Variants in EEIG2 observed in about 807,000 individuals in gnomAD.
The protein encoded by EEIG2 is family with sequence similarity 102 member B.
the EEIG2 span, chr1:108,560,111 A>AGCGGCGGCGGAG: frequency 3.1e-4 from 53 of 173,598 alleles, no homozygotes; most frequent in African/African-American, 7.3e-4. Flanking sequence ...GACGGGCGGC[A>AGCGGCGGCGGAG]GCGGCGGCGG....
the EEIG2 span, chr1:108,635,309 C>T: frequency 1.5e-5 from 12 of 827,304 alleles, no homozygotes; most frequent in Admixed American, 2.5e-5. Context: ...CCATCCTGTA[C>T]CAGCCACCAA....
At chr1:108,566,436 CA>C in the EEIG2 span, among the ~76,000 whole-genome samples, 4 of 152,028 alleles carry the variant, frequency 2.6e-5, no homozygotes, top group Non-Finnish European at 5.9e-5. Flanking sequence ...TAATAAGCAG[CA>C]AATTATCAAA....
At chr1:108,584,171 G>A in the EEIG2 span, among the ~76,000 whole-genome samples, 2 of 151,986 alleles carry the variant, frequency 1.3e-5, no homozygotes, top group African/African-American at 4.8e-5. Flanking sequence ...AATGCAATTG[G>A]GTAAAAGAGA....
At chr1:108,592,880 A>G in the EEIG2 span, among the ~76,000 whole-genome samples, 1 of 152,168 alleles carries the variant, frequency 6.6e-6, no homozygotes, top group African/African-American at 2.4e-5. Context: ...TGACTTGGCC[A>G]GGCATGGTGG....
the EEIG2 span, chr1:108,639,304 T>TA: frequency 6.6e-6 from 1 of 151,790 alleles, no homozygotes; most frequent in Non-Finnish European, 1.5e-5. Context: ...ACATGTTCAA[T>TA]AAAAATCATA....
At chr1:108,601,024 A>G in the EEIG2 span, among the ~76,000 whole-genome samples, 1 of 152,106 alleles carries the variant, frequency 6.6e-6, no homozygotes, top group East Asian at 1.9e-4. Flanking sequence ...TATGTGTAAT[A>G]TATCTAATAA....
the EEIG2 span, among the ~76,000 whole-genome samples, chr1:108,634,159 T>C: frequency 2.0e-5 from 3 of 152,158 alleles, no homozygotes; most frequent in African/African-American, 7.2e-5. Flanking sequence ...GCAGAACATA[T>C]TTAAAAGGGC....
the EEIG2 span, chr1:108,600,617 G>A: frequency 1.2e-6 from 2 of 1,611,336 alleles, no homozygotes; most frequent in South Asian, 1.1e-5. Flanking sequence ...TCTCATTTAT[G>A]TGCAAAATGA....
At chr1:108,620,536 T>A in the EEIG2 span, among the ~76,000 whole-genome samples, 14 of 152,188 alleles carry the variant, frequency 9.2e-5, no homozygotes, top group Admixed American at 7.9e-4. Context: ...CTGCTGGCAT[T>A]TGGGAATGTG....
chr1:108,575,334 C>T, the EEIG2 span, among the ~76,000 whole-genome samples: 1,052 of 152,280 alleles, frequency 6.9e-3, 9 homozygotes, highest in African/African-American at 0.017. Flanking sequence ...GGAGTCTTCC[C>T]GAATTTCTCA....
At chr1:108,579,674 A>G in the EEIG2 span, among the ~76,000 whole-genome samples, 11 of 150,692 alleles carry the variant, frequency 7.3e-5, no homozygotes, top group Admixed American at 2.0e-4. Context: ...ATTTTTTTTA[A>G]TTGAAGATTT....
chr1:108,578,854 A>G, the EEIG2 span, among the ~76,000 whole-genome samples: 1 of 145,738 alleles, frequency 6.9e-6, no homozygotes, highest in African/African-American at 2.6e-5. Context: ...ACATAAGTGA[A>G]GGAGAAATAA....
the EEIG2 span, among the ~76,000 whole-genome samples, chr1:108,600,241 A>ATG: frequency 6.6e-6 from 1 of 152,246 alleles, no homozygotes; most frequent in South Asian, 2.1e-4. Flanking sequence ...CCTCGTCTTT[A>ATG]TGTTTTAAAC....
the EEIG2 span, among the ~76,000 whole-genome samples, chr1:108,611,432 G>T: frequency 4.4e-3 from 672 of 152,306 alleles, 2 homozygotes; most frequent in African/African-American, 0.015. Flanking sequence ...TTTGGCAGCT[G>T]CAGAAAATGG....
the EEIG2 span, among the ~76,000 whole-genome samples, chr1:108,591,601 A>G: frequency 2.0e-5 from 3 of 152,222 alleles, no homozygotes; most frequent in Non-Finnish European, 2.9e-5. Context: ...AAATGAGGAC[A>G]CTGTCTTGGG....
chr1:108,566,637 G>C, the EEIG2 span, among the ~76,000 whole-genome samples: 1 of 151,914 alleles, frequency 6.6e-6, no homozygotes, highest in Admixed American at 6.6e-5. Context: ...CTAAGTGTCT[G>C]TAAACAGATG....
the EEIG2 span, among the ~76,000 whole-genome samples, chr1:108,566,947 TTAATAA>T: frequency 6.6e-6 from 1 of 152,148 alleles, no homozygotes; most frequent in African/African-American, 2.4e-5. Context: ...CTGACTATAG[TTAATAA>T]TAATGTATTA....
At chr1:108,568,462 G>T in the EEIG2 span, among the ~76,000 whole-genome samples, 23 of 152,038 alleles carry the variant, frequency 1.5e-4, no homozygotes, top group Middle Eastern at 3.2e-3. Context: ...CTTGAGAGAA[G>T]ATAATGGTCT....
the EEIG2 span, chr1:108,629,604 A>C: frequency 6.2e-7 from 1 of 1,611,084 alleles, no homozygotes; most frequent in Middle Eastern, 1.7e-4. Context: ...GACTAAGGCT[A>C]TTTGTGGGTC....
Sources: allele counts gnomAD v4.1 joint callset (sites outside exome capture counted in the v4.1 genomes callset), GRCh38; gene constraint gnomAD v4.1.1; transcripts MANE v1.5; gene names NCBI Gene and HGNC (gene_info 2026-07-23, HGNC 2026-07-21).